The following BLOC1S2 variants were observed in gnomAD, a reference collection of about 807,000 sequenced individuals.
BLOC1S2 encodes the protein biogenesis of lysosome-related organelles complex 1 subunit 2.
BLOC1S2 carries 12 observed loss-of-function variants against 19.6 expected under a neutral mutation model. The ratio of observed to expected loss-of-function variants is 0.61; its 90% CI spans 0.39 to 0.99. BLOC1S2 has a LOEUF of 0.99. Ranked by LOEUF, BLOC1S2 falls within the 50% of genes least tolerant of loss-of-function variation. BLOC1S2 has a pLI of 0.00. For synonymous variants in BLOC1S2, 66 were observed against 64.1 expected (o/e 1.03, Z -0.14); for missense variants, 142 against 171.0 (o/e 0.83, Z 0.95).
chr10:100,280,917 C>T lies in BLOC1S2; in HGVS notation c.292+17G>A, dbSNP rs1212723089. Reference sequence around the variant, plus strand: ...CATTAAATACAAACATGTTTAATTACAAATATTATTACTTACATTTCTGGT... The same window carrying T: ...CATTAAATACAAACATGTTTAATTATAAATATTATTACTTACATTTCTGGT... On this transcript the variant is annotated intron_variant, in intron 3 of 4. Coordinates refer to ENST00000370372, the MANE Select transcript of BLOC1S2 (RefSeq NM_173809.5). The T allele has an allele frequency of 2.5e-6, 4 of 1,600,120 alleles. No homozygotes were observed. The highest frequency in any genetic ancestry group is 2.7e-5 in the African/African-American group (2 of 74,136).
At chr10:100,277,504 G>A (rs1192926241) in intron 4 of BLOC1S2, among the ~76,000 whole-genome samples, 1 of 123,836 alleles carries the variant, frequency 8.1e-6, no homozygotes, top group Non-Finnish European at 1.8e-5. Flanking sequence ...CGGGAGGGAG[G>A]TGGGGGGGTC....
chr10:100,281,807 G>T (rs1848118227), intron 2 of BLOC1S2, among the ~76,000 whole-genome samples: 2 of 149,344 alleles, frequency 1.3e-5, no homozygotes, highest in African/African-American at 5.0e-5. Context: ...ATTCTATATT[G>T]CATTTTATGC....
rs762110612 is a variant in BLOC1S2, at chr10:100,280,099, T to A, written c.397+25A>T. 2.5e-6 allele frequency: 4 copies of A among 1,580,086 alleles called. No individual in the cohort carries two copies. The African/African-American group carries it at 5.4e-5, about 21-fold the overall frequency. On this transcript the variant is annotated intron_variant, in intron 4 of 4. Coordinates refer to ENST00000370372, the MANE Select transcript of BLOC1S2 (RefSeq NM_173809.5). ...CTGGCAAGAAGCAGTCTTTATTACA[T>A]CAAAACAGAAGTAAAAACGGTTACC...
intron 4 of BLOC1S2, among the ~76,000 whole-genome samples, chr10:100,276,959 T>C (rs549229623): frequency 7.3e-5 from 11 of 150,322 alleles, no homozygotes; most frequent in East Asian, 2.0e-4. Context: ...TCTGCCTGGC[T>C]GCCCATCGTC....
chr10:100,281,944 C>T (rs1848121016), intron 2 of BLOC1S2, among the ~76,000 whole-genome samples: 1 of 152,066 alleles, frequency 6.6e-6, no homozygotes, highest in Non-Finnish European at 1.5e-5. Context: ...CTGCTTCAAC[C>T]TCTCTGCCTT....
intron 2 of BLOC1S2, chr10:100,282,940 G>T: frequency 2.5e-6 from 1 of 398,510 alleles, no homozygotes; most frequent in African/African-American, 2.1e-5. Context: ...ATCTCATCCT[G>T]CACAGCGTCC....
rs535904434 is a variant in BLOC1S2, at chr10:100,275,229, T to A, written c.*233A>T. 4 of 464,456 alleles carry A rather than the reference T, an allele frequency of 8.6e-6. No homozygotes were observed. In the South Asian group the frequency reaches 2.0e-4, roughly 24 times the overall value. The allele number at this position is 464,456 out of a possible 1,614,324, so 28.8% of individuals were successfully genotyped here. A position where few individuals can be genotyped will look rare whatever the true frequency, so the allele number is the denominator to read the frequency against. On this transcript the variant is annotated 3_prime_UTR_variant, in exon 5 of 5. Transcript: ENST00000370372. ...TCTCTGTCCTGAATATGGCAAAGCA[T>A]TCAAGTAAAAGGTAGGAAGTTATAA... is the stretch of plus-strand genomic sequence containing the variant.
Position 100,276,307 on chromosome 10 carries a change from T to A in BLOC1S2, c.398-814A>T, listed in dbSNP as rs1192324604. ...ACTCAGGCCCGTCTCCCTCTCCATCTCCCTCTCCCGTCTCCCTCTCTCTCT... is the reference window on the plus strand; with the variant it reads ...ACTCAGGCCCGTCTCCCTCTCCATCACCCTCTCCCGTCTCCCTCTCTCTCT... On this transcript the variant is annotated intron_variant, in intron 4 of 4. Coordinates refer to ENST00000370372, the MANE Select transcript of BLOC1S2 (RefSeq NM_173809.5). 3.4e-5 allele frequency among the ~76,000 whole-genome samples: 4 copies of A among 117,548 alleles called. 1 individual carries two copies. The highest frequency in any genetic ancestry group is 8.5e-5 in the Admixed American group (1 of 11,766). The allele number at this position is 117,548 out of a possible 152,430, so 77.1% of individuals were successfully genotyped here. A position where few individuals can be genotyped will look rare whatever the true frequency, so the allele number is the denominator to read the frequency against.
chr10:100,277,527 G>GGGGGGGGGTCAGCCCCCCTGCCCA, intron 4 of BLOC1S2, among the ~76,000 whole-genome samples: 1 of 106,030 alleles, frequency 9.4e-6, no homozygotes, highest in African/African-American at 3.9e-5. Flanking sequence ...CCCCCCGCCT[G>GGGGGGGGGTCAGCCCCCCTGCCCA]GCCAGCTGTC....
At chr10:100,279,963 A>G (rs1054971684) in intron 4 of BLOC1S2, 161 bp downstream of exon 4, 4 of 428,558 alleles carry the variant, frequency 9.3e-6, no homozygotes, top group African/African-American at 8.2e-5. Context: ...TTAAGTAATC[A>G]GGAAATGTTA....
At position 100,283,468 on chromosome 10, in the gene BLOC1S2, G is replaced by T. The variant is rs190996449; in HGVS notation, c.173-2415C>A. ...TAGGATTACAGGCATGAGCCACGGT[G>T]CCTGGTCCTCTATTACTTTTCATCT... On this transcript the variant is annotated intron_variant, in intron 2 of 4. Coordinates refer to ENST00000370372, the MANE Select transcript of BLOC1S2 (RefSeq NM_173809.5). 4.6e-5 allele frequency among the ~76,000 whole-genome samples: 7 copies of T among 152,182 alleles called. No homozygotes were observed. In the East Asian group the frequency reaches 1.4e-3, roughly 29 times the overall value.
chr10:100,276,438 CTCTCCCG>C (rs1847865405), intron 4 of BLOC1S2, among the ~76,000 whole-genome samples: 2 of 10,808 alleles, frequency 1.9e-4, no homozygotes, highest in Non-Finnish European at 4.0e-4. Context: ...CTCCCTCTCC[CTCTCCCG>C]TCTCCCTCTC....
At chr10:100,277,911 G>T (rs1481965791) in intron 4 of BLOC1S2, among the ~76,000 whole-genome samples, 1 of 83,608 alleles carries the variant, frequency 1.2e-5, no homozygotes, top group Non-Finnish European at 2.5e-5. Context: ...CTGGCCAGCC[G>T]CCCCGTCCGG....
chr10:100,281,295 C>G (rs1210602910), intron 2 of BLOC1S2, among the ~76,000 whole-genome samples: 1 of 152,100 alleles, frequency 6.6e-6, no homozygotes, highest in Non-Finnish European at 1.5e-5. Context: ...ATCATGGTTA[C>G]AAAGGGAAAT....
intron 1 of BLOC1S2, 119 bp downstream of exon 1, chr10:100,286,486 G>A (rs1398283390): frequency 6.6e-7 from 1 of 1,509,994 alleles, no homozygotes; most frequent in Non-Finnish European, 8.9e-7. Context: ...GCAGCGACAA[G>A]TGCACTCCTC....
In BLOC1S2 at chr10:100,276,327, CTCTCT is replaced by C. The variant is rs1564870933; in HGVS notation, c.398-839_398-835del. 1.6e-3 allele frequency among the ~76,000 whole-genome samples: 97 copies of C among 62,000 alleles called. 5 individuals are homozygous for C. Among genetic ancestry groups the C allele is most frequent in the African/African-American group, 5.0e-3 (92 of 18,406 alleles). The allele number at this position is 62,000 out of a possible 152,430, so 40.7% of individuals were successfully genotyped here. ...CCATCTCCCTCTCCCGTCTCCCTCT[CTCTCT>C]CCCGTCTCCCTCTCCCGTCTCCCTC... On this transcript the variant is annotated intron_variant, in intron 4 of 4. Transcript: ENST00000370372.
Position 100,286,630 on chromosome 10 carries a change from C to A in BLOC1S2, c.30G>T (p.Ala10=). The A allele has an allele frequency of 6.2e-7, 1 of 1,611,880 alleles. No homozygotes were observed. Residue 10 remains alanine (A), a synonymous_variant, in exon 1 of 5, where the codon GCG becomes GCT. Transcript: ENST00000370372. ...CTCGGGCGGGCTCATCACTCCGGGT[C>A]GCCAGTACGCCCTCGGCTGCCGCCG... MAAAAEGVL[A]TRSDEPARDD...
intron 4 of BLOC1S2, among the ~76,000 whole-genome samples, chr10:100,279,024 C>A (rs535517100): frequency 2.0e-5 from 3 of 151,866 alleles, no homozygotes; most frequent in Non-Finnish European, 4.4e-5. Context: ...GAGTTCAAGG[C>A]TACAGCGAGC....
At chr10:100,286,453 C>G in intron 1 of BLOC1S2, 152 bp downstream of exon 1, 1 of 1,480,676 alleles carries the variant, frequency 6.8e-7, no homozygotes. Flanking sequence ...TCCCAGTCAC[C>G]CTGACAGGAC....
Sources: allele counts gnomAD v4.1 joint callset (sites outside exome capture counted in the v4.1 genomes callset), GRCh38; gene constraint gnomAD v4.1.1; transcripts MANE v1.5; gene names NCBI Gene and HGNC (gene_info 2026-07-23, HGNC 2026-07-21).